Variants in EPDR1 observed in about 807,000 individuals in gnomAD.
EPDR1 encodes mammalian ependymin-related protein 1.
Under a neutral mutation model 23.7 loss-of-function variants are expected in EPDR1, and 27 were observed. The ratio of observed to expected loss-of-function variants is 1.14; its 90% CI spans 0.84 to 1.57. The LOEUF (loss-of-function observed/expected upper bound fraction) is 1.57, where lower values mean the gene tolerates loss of function less well. Ranked by LOEUF, EPDR1 falls within the 40% of genes most tolerant of loss-of-function variation. EPDR1 has a pLI of 0.00. For missense variants in EPDR1, 349 were observed against 290.4 expected, an observed-to-expected ratio of 1.20 and a Z score of -1.47; for synonymous variants, 137 against 118.2, an observed-to-expected ratio of 1.16 and a Z score of -1.03.
intron 1 of EPDR1, among the ~76,000 whole-genome samples, chr7:37,930,705 A>C (rs370766299): frequency 4.7e-4 from 71 of 152,338 alleles, no homozygotes; most frequent in African/African-American, 1.4e-3. Flanking sequence ...AAGCTTGGGA[A>C]TCCACTTCTC....
chr7:37,950,277 A>T lies in EPDR1; in HGVS notation c.556A>T (p.Ile186Leu). The T allele has an allele frequency of 6.2e-7, 1 of 1,614,090 alleles. No homozygotes were observed. Among genetic ancestry groups the T allele is most frequent in the Non-Finnish European group, 8.5e-7 (1 of 1,180,016 alleles). Residue 186 changes from isoleucine to leucine, a missense_variant, in exon 3 of 3, where the codon ATA becomes TTA. Ile to Leu is a conservative substitution (Grantham distance 5). Coordinates refer to ENST00000199448, the MANE Select transcript of EPDR1 (RefSeq NM_017549.5). ...AACCTTTACCATAAACTACAGTGTG[A>T]TATTGTCTACGCGGTTTTTTGACAT... is the stretch of plus-strand genomic sequence containing the variant. ...QETFTINYSV[I>L]LSTRFFDIQL...
chr7:37,933,976 C>CTT (rs576903776), intron 1 of EPDR1, among the ~76,000 whole-genome samples: 38 of 133,346 alleles, frequency 2.8e-4, no homozygotes, highest in East Asian at 1.8e-3. Context: ...TTCTGCCATT[C>CTT]TTTTTTTTTT....
rs149763665 is a variant in EPDR1, at chr7:37,944,246, C to T, written c.270-4594C>T. On this transcript the variant is annotated intron_variant, in intron 1 of 2. Transcript: ENST00000199448. Reference sequence around the variant, plus strand: ...CTTCTCTCTGCTTCATTCTTTAATCCTATTCCATTTGCGTTTTGGAAAATA... The same window carrying T: ...CTTCTCTCTGCTTCATTCTTTAATCTTATTCCATTTGCGTTTTGGAAAATA... 6.2e-3 allele frequency among the ~76,000 whole-genome samples: 948 copies of T among 152,308 alleles called. 14 individuals are homozygous for T. Among genetic ancestry groups the T allele is most frequent in the African/African-American group, 0.022 (900 of 41,562 alleles).
At position 37,920,678 on chromosome 7, in the gene EPDR1, AGTGGCAGCAGG is replaced by A. The variant is rs747773292; in HGVS notation, c.-261_-251del. ...GCGGCAGAAGGCAGTGGCAGCAGGC[AGTGGCAGCAGG>A]CAGTGGCCCAGGCAGAAATAGCTCC... On this transcript the variant is annotated 5_prime_UTR_variant, in exon 1 of 3. Transcript: ENST00000199448. 59 of 1,584,440 alleles carry A rather than the reference AGTGGCAGCAGG, an allele frequency of 3.7e-5. No homozygotes were observed. Among genetic ancestry groups the A allele is most frequent in the Non-Finnish European group, 4.7e-5 (55 of 1,159,722 alleles).
chr7:37,943,978 G>A (rs1272507712), intron 1 of EPDR1, among the ~76,000 whole-genome samples: 2 of 152,182 alleles, frequency 1.3e-5, no homozygotes, highest in African/African-American at 4.8e-5. Context: ...GGGCCATGCT[G>A]GGCCTTTCCC....
chr7:37,933,870 G>C (rs768418548), intron 1 of EPDR1, among the ~76,000 whole-genome samples: 3 of 151,960 alleles, frequency 2.0e-5, no homozygotes, highest in Non-Finnish European at 4.4e-5. Context: ...TAAAATATAA[G>C]AATATTCGTT....
chr7:37,922,187 C>T (rs765280279), intron 1 of EPDR1, among the ~76,000 whole-genome samples: 46 of 152,056 alleles, frequency 3.0e-4, no homozygotes, highest in Non-Finnish European at 5.7e-4. Flanking sequence ...TTTGAAACGC[C>T]AATGGACTGT....
intron 2 of EPDR1, 99 bp downstream of exon 2, chr7:37,949,147 TAATC>T: frequency 8.2e-7 from 1 of 1,215,418 alleles, no homozygotes; most frequent in Non-Finnish European, 1.2e-6. Context: ...AACATCCGCT[TAATC>T]AAAAATTTTT....
At chr7:37,929,831 C>T (rs1418098899) in intron 1 of EPDR1, among the ~76,000 whole-genome samples, 1 of 152,208 alleles carries the variant, frequency 6.6e-6, no homozygotes, top group African/African-American at 2.4e-5. Context: ...CCACTGCCCT[C>T]TCATCAAACA....
At position 37,949,046 on chromosome 7, in the gene EPDR1, C is replaced by G. The variant is rs1240808668; in HGVS notation, c.476C>G (p.Ser159Cys). The change falls in exon 2 of 3, where the codon TCC (serine) becomes TGC (cysteine). Residue 159 changes from serine (S) to cysteine (C), a missense_variant and splice_region_variant. Physicochemically the swap from Ser to Cys is moderately radical, Grantham distance 112. Coordinates refer to ENST00000199448, the MANE Select transcript of EPDR1 (RefSeq NM_017549.5). ...TGGTCGGACAGAAAGTCAGCTAGAT[C>G]CTGTAAGGGTTCAAAGAATCTAAGC... is the stretch of plus-strand genomic sequence containing the variant. ...QEWSDRKSAR[S>C]YETWIGIYTV... 1 of 1,613,872 alleles carries G rather than the reference C, an allele frequency of 6.2e-7. No individual in the cohort carries two copies. The highest frequency in any genetic ancestry group is 8.5e-7 in the Non-Finnish European group (1 of 1,179,802).
At chr7:37,945,777 A>T (rs947972155) in intron 1 of EPDR1, among the ~76,000 whole-genome samples, 7 of 152,168 alleles carry the variant, frequency 4.6e-5, no homozygotes, top group Admixed American at 3.9e-4. Flanking sequence ...GATTTGTTAC[A>T]CAAGTGAACG....
At chr7:37,939,296 A>G (rs2472659) in intron 1 of EPDR1, among the ~76,000 whole-genome samples, 51,461 of 151,692 alleles carry the variant, frequency 0.34, 8,886 homozygotes, top group South Asian at 0.46. Context: ...TTTTTTTCTC[A>G]CAAATTGATG....
intron 1 of EPDR1, among the ~76,000 whole-genome samples, chr7:37,927,604 T>C (rs1191543075): frequency 6.6e-6 from 1 of 152,248 alleles, no homozygotes; most frequent in Non-Finnish European, 1.5e-5. Context: ...GTTCTTAACA[T>C]ATGTTTGTAT....
intron 1 of EPDR1, among the ~76,000 whole-genome samples, chr7:37,921,974 A>T (rs1276880921): frequency 6.6e-6 from 1 of 152,050 alleles, no homozygotes; most frequent in Non-Finnish European, 1.5e-5. Flanking sequence ...CTGACCATTC[A>T]CCTTTTCACA....
At chr7:37,925,446 A>G (rs944505765) in intron 1 of EPDR1, among the ~76,000 whole-genome samples, 1 of 152,250 alleles carries the variant, frequency 6.6e-6, no homozygotes, top group African/African-American at 2.4e-5. Flanking sequence ...AACATGAAAA[A>G]TATGTCACAA....
rs1265088501 is a variant in EPDR1 at position 37,920,856 on chromosome 7, G to A, written c.-84G>A. Reference sequence around the variant, plus strand: ...ACACTCCCGGCACAGTGCGGAAAGAGCCGGCGGGAGCCACTCTGATCCCGG... The same window carrying A: ...ACACTCCCGGCACAGTGCGGAAAGAACCGGCGGGAGCCACTCTGATCCCGG... On this transcript the variant is annotated 5_prime_UTR_variant, in exon 1 of 3. Coordinates refer to ENST00000199448, the MANE Select transcript of EPDR1 (RefSeq NM_017549.5). 1.2e-6 allele frequency: 2 copies of A among 1,610,230 alleles called. No homozygotes were observed. The highest frequency in any genetic ancestry group is 2.7e-5 in the African/African-American group (2 of 74,992).
intron 1 of EPDR1, among the ~76,000 whole-genome samples, chr7:37,942,042 A>G (rs1460279677): frequency 6.6e-6 from 1 of 152,200 alleles, no homozygotes; most frequent in Admixed American, 6.5e-5. Context: ...TTTTTACTTA[A>G]AAGATTATCA....
In EPDR1 at chr7:37,948,826, C is replaced by G. The variant is rs1475359148; in HGVS notation, c.270-14C>G. The G allele has an allele frequency of 1.2e-6, 2 of 1,609,108 alleles. No homozygotes were observed. The highest frequency in any genetic ancestry group is 1.7e-6 in the Non-Finnish European group (2 of 1,175,794). On this transcript the variant is annotated splice_polypyrimidine_tract_variant and intron_variant, in intron 1 of 2. Transcript: ENST00000199448. ...CATGAAGTCCCAAACTACTTCTTTC[C>G]ATCTGTGTTTCAGATTATTTGAATA...
At chr7:37,948,318 A>G (rs1410340475) in intron 1 of EPDR1, among the ~76,000 whole-genome samples, 1 of 151,170 alleles carries the variant, frequency 6.6e-6, no homozygotes, top group Non-Finnish European at 1.5e-5. Context: ...AAATTTGCCC[A>G]GTGAATATAC....
Sources: gnomAD v4.1 joint callset for allele counts (sites outside exome capture counted in the v4.1 genomes callset) on GRCh38, gnomAD v4.1.1 for gene constraint, MANE v1.5 for transcripts, NCBI Gene and HGNC (gene_info 2026-07-23, HGNC 2026-07-21) for gene names.